The following CDH17 variants were observed in gnomAD, a reference collection of about 807,000 sequenced individuals.
The protein encoded by CDH17 is cadherin 17, also known as cadherin-17.
CDH17 carries 67 observed loss-of-function variants against 86.3 expected under a neutral mutation model. The ratio of observed to expected loss-of-function variants is 0.78; its 90% CI spans 0.64 to 0.95. The LOEUF is 0.95. Ranked by LOEUF, CDH17 falls within the 40% of genes least tolerant of loss-of-function variation. The probability of loss-of-function intolerance (pLI) is 0.00; values close to 1 mark genes in which losing one functional copy is unlikely to be tolerated. For missense variants in CDH17, 993 were observed against 1,017.6 expected, an observed-to-expected ratio of 0.98 and a Z score of 0.33; for synonymous variants, 367 against 366.4, an observed-to-expected ratio of 1.00 and a Z score of -0.02.
chr8:94,170,414 T>C lies in CDH17; in HGVS notation c.1049A>G (p.Gln350Arg), dbSNP rs771620220. Residue 350 changes from glutamine to arginine, a missense_variant, in exon 9 of 18, where the codon CAG becomes CGG. Gln to Arg is a conservative substitution (Grantham distance 43). Coordinates refer to ENST00000027335, the MANE Select transcript of CDH17 (RefSeq NM_004063.4). ...TTTCTTACCCAGTCGTTCATTCTCCTGGACCTCAAATACGGTTACTGGTGA... is the reference window on the plus strand; with the variant it reads ...TTTCTTACCCAGTCGTTCATTCTCCCGGACCTCAAATACGGTTACTGGTGA... ...CPSPVTVFEV[Q>R]ENERLGNSIG... 8 of 1,612,762 alleles carry C rather than the reference T, an allele frequency of 5.0e-6. No individual in the cohort carries two copies. In the African/African-American group the frequency reaches 9.4e-5, roughly 19 times the overall value.
chr8:94,206,087 G>C (rs191243280), intron 1 of CDH17, among the ~76,000 whole-genome samples: 1 of 151,890 alleles, frequency 6.6e-6, no homozygotes, highest in East Asian at 1.9e-4. Flanking sequence ...CAGTCTTACA[G>C]AATATTTGAA....
rs1554589242 is a variant in CDH17, at chr8:94,185,313, ACC to A, written c.150+3872_150+3873del. 3.4e-5 allele frequency among the ~76,000 whole-genome samples: 5 copies of A among 146,620 alleles called. No homozygotes were observed. The South Asian group carries it at 1.1e-3, about 32-fold the overall frequency. On this transcript the variant is annotated intron_variant, in intron 3 of 17. Transcript: ENST00000027335. ...CACACACACACACACACACACACAC[ACC>A]CCTGTAAAGAAGAAACATTCAACCA...
chr8:94,173,993 G>T lies in CDH17; in HGVS notation c.587C>A (p.Ser196Tyr), dbSNP rs1227708186. The change falls in exon 7 of 18, where the codon TCT (serine) becomes TAT (tyrosine). Residue 196 changes from serine (S) to tyrosine (Y), a missense_variant. Physicochemically the swap from Ser to Tyr is moderately radical, Grantham distance 144 (BLOSUM62 -2). Coordinates refer to ENST00000027335, the MANE Select transcript of CDH17 (RefSeq NM_004063.4). ...TGAISLTREG[S>Y]QELNPAKNPS... Reference sequence around the variant, plus strand: ...ATTCTTAGCAGGATTCAATTCCTGAGATCCTGTGAGAAGTAGGGGAGAAGG... The same window carrying T: ...ATTCTTAGCAGGATTCAATTCCTGATATCCTGTGAGAAGTAGGGGAGAAGG... The T allele has an allele frequency of 1.2e-6, 2 of 1,613,124 alleles. No individual in the cohort carries two copies. Among genetic ancestry groups the T allele is most frequent in the Non-Finnish European group, 1.7e-6 (2 of 1,179,206 alleles).
intron 15 of CDH17, among the ~76,000 whole-genome samples, chr8:94,138,224 T>C (rs1026646637): frequency 7.9e-5 from 12 of 152,158 alleles, no homozygotes; most frequent in African/African-American, 2.9e-4. Context: ...TATGCATATT[T>C]AAAAATTATT....
chr8:94,173,811 T>A lies in CDH17; in HGVS notation c.769A>T (p.Ile257Phe). 6.2e-7 allele frequency: 1 copy of A among 1,613,712 alleles called. No homozygotes were observed. The highest frequency in any genetic ancestry group is 1.3e-5 in the African/African-American group (1 of 75,012). Residue 257 changes from isoleucine (I) to phenylalanine (F), a missense_variant, in exon 7 of 18, where the codon ATC (isoleucine) becomes TTC (phenylalanine). Physicochemically the swap from Ile to Phe is conservative, Grantham distance 21 (BLOSUM62 0). Coordinates refer to ENST00000027335, the MANE Select transcript of CDH17 (RefSeq NM_004063.4). ...MVENSTDPHP[I>F]KITQVRWNDP... is the part of the protein sequence containing the mutation. The stretch of plus-strand genomic sequence containing the variant: ...TTGGGTACTACCTGAGTGATTTTGA[T>A]GGGGTGAGGATCAGTTGAGTTTTCC...
At chr8:94,147,828 T>A (rs1812774576) in intron 14 of CDH17, among the ~76,000 whole-genome samples, 1 of 152,174 alleles carries the variant, frequency 6.6e-6, no homozygotes, top group African/African-American at 2.4e-5. Context: ...GGCTCAAACA[T>A]CCTGGGCTTT....
intron 13 of CDH17, among the ~76,000 whole-genome samples, chr8:94,151,030 A>G (rs1314860514): frequency 2.0e-5 from 3 of 152,110 alleles, no homozygotes; most frequent in Non-Finnish European, 4.4e-5. Context: ...GGGAGGCAAG[A>G]CTCCCTCCAG....
chr8:94,151,764 T>G, intron 13 of CDH17, 104 bp downstream of exon 13: 7 of 1,440,558 alleles, frequency 4.9e-6, no homozygotes, highest in Non-Finnish European at 5.7e-6. Context: ...TTGCTGGGTA[T>G]GCTGTGAGGG....
At chr8:94,201,967 C>A in intron 1 of CDH17, 1 of 230,466 alleles carries the variant, frequency 4.3e-6, no homozygotes, top group Non-Finnish European at 8.6e-6. Flanking sequence ...ACACAGATTG[C>A]AGGTAGCCCT....
chr8:94,193,644 G>A (rs746324421), intron 2 of CDH17, among the ~76,000 whole-genome samples: 1 of 152,188 alleles, frequency 6.6e-6, no homozygotes, highest in Non-Finnish European at 1.5e-5. Context: ...AAGGGCATTT[G>A]AGGGGGTAGC....
intron 1 of CDH17, among the ~76,000 whole-genome samples, chr8:94,206,030 T>C (rs1455924317): frequency 6.6e-6 from 1 of 152,188 alleles, no homozygotes; most frequent in Non-Finnish European, 1.5e-5. Context: ...AAGTATATGG[T>C]CAAAAATGAA....
chr8:94,176,429 G>A, intron 5 of CDH17, 112 bp downstream of exon 5: 1 of 1,144,106 alleles, frequency 8.7e-7, no homozygotes, highest in Non-Finnish European at 1.3e-6. Flanking sequence ...GTGAAATGTA[G>A]GTAAGATAGT....
At chr8:94,144,338 T>A (rs1181269228) in intron 15 of CDH17, among the ~76,000 whole-genome samples, 1 of 152,100 alleles carries the variant, frequency 6.6e-6, no homozygotes, top group Non-Finnish European at 1.5e-5. Context: ...CTGATCAGCA[T>A]AACAGATATA....
chr8:94,210,866 C>T (rs549295673), upstream of CDH17, among the ~76,000 whole-genome samples: 8 of 151,744 alleles, frequency 5.3e-5, no homozygotes, highest in Non-Finnish European at 1.2e-4. Flanking sequence ...ACTAAAAATG[C>T]AAAAATTAGC....
At position 94,146,162 on chromosome 8, in the gene CDH17, ACCCCC is replaced by A; in HGVS notation, c.1928_1932del (p.Gly643ValfsTer18). On this transcript the variant is annotated frameshift_variant and splice_region_variant, in exon 15 of 18. Transcript: ENST00000027335. LOFTEE classifies it high-confidence loss of function. ...AACTCTGACACAGAGCTCAAGGAAG[ACCCCC>A]CTAAGGAATTGAATGATTGAAACAT... 1.3e-6 allele frequency: 2 copies of A among 1,534,284 alleles called. No individual in the cohort carries two copies. The highest frequency in any genetic ancestry group is 1.8e-6 in the Non-Finnish European group (2 of 1,140,194).
At chr8:94,163,934 CTGG>C (rs1407501149) in intron 10 of CDH17, among the ~76,000 whole-genome samples, 2 of 152,162 alleles carry the variant, frequency 1.3e-5, no homozygotes, top group Non-Finnish European at 2.9e-5. Flanking sequence ...AAGGCCTTCC[CTGG>C]TTTTATGTAA....
intron 15 of CDH17, among the ~76,000 whole-genome samples, chr8:94,133,054 G>T (rs1812450819): frequency 6.6e-6 from 1 of 152,270 alleles, no homozygotes; most frequent in African/African-American, 2.4e-5. Context: ...GTACCATGCT[G>T]TTTTGGTTAC....
chr8:94,151,591 C>T (rs1442017685), intron 13 of CDH17, among the ~76,000 whole-genome samples: 1 of 152,254 alleles, frequency 6.6e-6, no homozygotes, highest in Non-Finnish European at 1.5e-5. Context: ...AACCTCACTT[C>T]CTGAACCATC....
intron 3 of CDH17, 55 bp downstream of exon 3, chr8:94,189,132 G>A (rs956640349): frequency 3.1e-5 from 37 of 1,197,424 alleles, no homozygotes; most frequent in Non-Finnish European, 4.3e-5. Flanking sequence ...GGAAGTAAAA[G>A]TCCACCAAGA....
Sources: gnomAD v4.1 joint callset for allele counts (sites outside exome capture counted in the v4.1 genomes callset) on GRCh38, gnomAD v4.1.1 for gene constraint, MANE v1.5 for transcripts, NCBI Gene and HGNC (gene_info 2026-07-23, HGNC 2026-07-21) for gene names.